Variants in GREB1 observed in about 807,000 individuals in gnomAD.
GREB1 encodes the protein growth regulating estrogen receptor binding 1, also known as protein GREB1.
In GREB1, 106 loss-of-function variants were observed where a neutral mutation model predicts 200.7. That is an observed-to-expected ratio of 0.53 (90% CI 0.45 to 0.62). GREB1 has a LOEUF of 0.62. Among genes scored for constraint, GREB1 ranks in the 20% least tolerant of loss-of-function variants. The probability of loss-of-function intolerance (pLI) is 0.00; values close to 1 mark genes in which losing one functional copy is unlikely to be tolerated. For missense variants in GREB1, 2,243 were observed against 2,556.8 expected (o/e 0.88, Z 2.65); for synonymous variants, 1,132 against 1,092.4 (o/e 1.04, Z -0.72).
In GREB1 at chr2:11,637,966, A is replaced by G. The variant is rs201572312; in HGVS notation, c.5547+50A>G. On this transcript the variant is annotated intron_variant, in intron 31 of 32. Coordinates refer to ENST00000381486, the MANE Select transcript of GREB1 (RefSeq NM_014668.4). ...GAATCCCTAATTCAGAGAAATCTCT[A>G]GAACCAATGGGCTGGAATCTGGGAC... 4.1e-6 allele frequency: 6 copies of G among 1,467,380 alleles called. No homozygotes were observed. In the East Asian group the frequency reaches 1.4e-4, roughly 33 times the overall value. The allele number at this position is 1,467,380 out of a possible 1,614,324, so 90.9% of individuals were successfully genotyped here.
At position 11,640,814 on chromosome 2, in the gene GREB1, G is replaced by A. The variant is rs1423299966; in HGVS notation, c.*360G>A. 4.9e-6 allele frequency: 1 copy of A among 204,674 alleles called. No homozygotes were observed. The highest frequency in any genetic ancestry group is 9.6e-6 in the Non-Finnish European group (1 of 103,936). 12.7% of individuals were successfully genotyped at this position (204,674 alleles called of 1,614,324 possible). On this transcript the variant is annotated 3_prime_UTR_variant, in exon 33 of 33. Transcript: ENST00000381486. The surrounding 1 kb of genome is among the most constrained non-coding windows in gnomAD (Gnocchi z 4.6). Reference sequence around the variant, plus strand: ...GTTCTAAAGAATCTTGGGTTATTTTGTAGCGGTGCCAGTATTTCAGTAGAT... The same window carrying A: ...GTTCTAAAGAATCTTGGGTTATTTTATAGCGGTGCCAGTATTTCAGTAGAT...
intron 17 of GREB1, among the ~76,000 whole-genome samples, chr2:11,605,144 C>CTTTTTTTTTTTTTTTTTT (rs3035991): frequency 2.2e-5 from 1 of 44,828 alleles, no homozygotes; most frequent in Non-Finnish European, 4.9e-5. Context: ...GAGCCTGCTT[C>CTTTTTTTTTTTTTTTTTT]TTTTTTTTTT....
At position 11,618,426 on chromosome 2, in the gene GREB1, G is replaced by A. The variant is rs1261785693; in HGVS notation, c.3551G>A (p.Gly1184Glu). ...GEKQRPRASQ[G>E]PPSAISRHSP... is the part of the protein sequence containing the mutation. ...AAACAGAGGCCCCGGGCAAGTCAGG[G>A]GCCACCCTCGGCCATCAGCAGGCAC... Residue 1184 changes from glycine (G) to glutamate (E), a missense_variant, in exon 22 of 33, where the codon GGG becomes GAG. Gly to Glu is a moderately conservative substitution (Grantham distance 98). Transcript: ENST00000381486. 1 of 1,606,630 alleles carries A rather than the reference G, an allele frequency of 6.2e-7. No individual in the cohort carries two copies. The highest frequency in any genetic ancestry group is 1.3e-5 in the African/African-American group (1 of 74,900).
At chr2:11,590,935 T>C (rs1310195316) in intron 10 of GREB1, among the ~76,000 whole-genome samples, 1 of 152,156 alleles carries the variant, frequency 6.6e-6, no homozygotes, top group Non-Finnish European at 1.5e-5. Context: ...GAGGGAAGAC[T>C]GGACCCTGAC....
Position 11,560,209 on chromosome 2 carries a change from G to A in GREB1, c.158-2254G>A, listed in dbSNP as rs940957715. Among the ~76,000 whole-genome samples the A allele has an allele frequency of 3.9e-5, 6 of 152,072 alleles. No homozygotes were observed. The East Asian group carries it at 5.8e-4, about 15-fold the overall frequency. The stretch of plus-strand genomic sequence containing the variant: ...CAGAGAGGTTAAGTAATTTTCCTGC[G>A]TCCACATAGGCAGTGGCCCAGGCTA... On this transcript the variant is annotated intron_variant, in intron 2 of 32. Coordinates refer to ENST00000381486, the MANE Select transcript of GREB1 (RefSeq NM_014668.4).
In GREB1 at chr2:11,633,089, C is replaced by G. The variant is rs769919896; in HGVS notation, c.4991+26C>G. The G allele has an allele frequency of 6.2e-7, 1 of 1,609,798 alleles. No homozygotes were observed. Among genetic ancestry groups the G allele is most frequent in the Non-Finnish European group, 8.5e-7 (1 of 1,176,548 alleles). Reference sequence around the variant, plus strand: ...GTGAGGTAACCTGAGAGCACCACCTCCTGCCACCCTACGAATGATGACCAA... The same window carrying G: ...GTGAGGTAACCTGAGAGCACCACCTGCTGCCACCCTACGAATGATGACCAA... On this transcript the variant is annotated intron_variant, in intron 28 of 32. Transcript: ENST00000381486. This position sits in a 1 kb window ranked among gnomAD's most constrained non-coding sequence, Gnocchi z 4.1.
At chr2:11,530,361 C>T (rs1674027242), upstream of GREB1, among the ~76,000 whole-genome samples, 1 of 151,564 alleles carries the variant, frequency 6.6e-6, no homozygotes, top group African/African-American at 2.4e-5. Context: ...TGCGCCCGGC[C>T]CTAGGTGATT....
chr2:11,607,247 C>A (rs958512695), intron 17 of GREB1, among the ~76,000 whole-genome samples: 5 of 151,292 alleles, frequency 3.3e-5, no homozygotes, highest in Non-Finnish European at 5.9e-5. Context: ...CCATGCCTGG[C>A]CAATTTTTAA....
chr2:11,600,193 T>C (rs1681658744), intron 15 of GREB1, among the ~76,000 whole-genome samples: 1 of 152,162 alleles, frequency 6.6e-6, no homozygotes, highest in Non-Finnish European at 1.5e-5. Flanking sequence ...ATATTCATTT[T>C]GGGAATAGGT....
intron 20 of GREB1, 70 bp downstream of exon 20, chr2:11,615,360 C>A: frequency 7.5e-7 from 1 of 1,339,024 alleles, no homozygotes; most frequent in Non-Finnish European, 1.0e-6. Context: ...AGCTTTGAGG[C>A]TGCCTGTGCT....
At chr2:11,484,933 C>A (rs1194872617) in intron 1 of GREB1, among the ~76,000 whole-genome samples, 1 of 152,188 alleles carries the variant, frequency 6.6e-6, no homozygotes, top group East Asian at 1.9e-4. Flanking sequence ...GCAAGCTCCG[C>A]CTCCCGGGTT....
intron 1 of GREB1, among the ~76,000 whole-genome samples, chr2:11,495,548 G>C (rs548682264): frequency 6.6e-6 from 1 of 152,154 alleles, no homozygotes; most frequent in Middle Eastern, 3.4e-3. Flanking sequence ...GTCATGCACT[G>C]TTCCAAGCAC....
chr2:11,567,760 G>A lies in GREB1; in HGVS notation c.454+1104G>A, dbSNP rs114548200. ...TGTAATTGAGTTCTTACTGTGTGCC[G>A]GGCCATCACTCAGCAGGCTCCCCCA... On this transcript the variant is annotated intron_variant, in intron 4 of 32. Coordinates refer to ENST00000381486, the MANE Select transcript of GREB1 (RefSeq NM_014668.4). Among the ~76,000 whole-genome samples, 1,072 of 152,308 alleles carry A rather than the reference G, an allele frequency of 7.0e-3. 10 individuals are homozygous for A. Among genetic ancestry groups the A allele is most frequent in the African/African-American group, 0.024 (1,003 of 41,578 alleles).
At chr2:11,616,007 C>T (rs555867514) in intron 20 of GREB1, among the ~76,000 whole-genome samples, 5 of 152,338 alleles carry the variant, frequency 3.3e-5, no homozygotes, top group East Asian at 1.9e-4. Context: ...AAGGCCTGCC[C>T]GCCTGTAGCC....
At chr2:11,573,158 G>T (rs777223214) in intron 4 of GREB1, among the ~76,000 whole-genome samples, 55 of 152,192 alleles carry the variant, frequency 3.6e-4, no homozygotes, top group Non-Finnish European at 6.5e-4. Context: ...CCTTGCAGGG[G>T]CTGGGGGAGT....
Position 11,618,299 on chromosome 2 carries a change from G to A in GREB1, c.3424G>A (p.Gly1142Ser), listed in dbSNP as rs199687834. Residue 1142 changes from glycine to serine, a missense_variant, in exon 22 of 33, where the codon GGT becomes AGT. Transcript: ENST00000381486. ...LSSKASGSAL[G>S]GESSAQPTAL... Reference sequence around the variant, plus strand: ...TCGTCTCTCCTCAGGTTCAGCGCTCGGTGGCGAGTCCTCGGCTCAGCCCAC... The same window carrying A: ...TCGTCTCTCCTCAGGTTCAGCGCTCAGTGGCGAGTCCTCGGCTCAGCCCAC... 4.7e-4 allele frequency: 733 copies of A among 1,560,038 alleles called. 4 individuals are homozygous for A. Among genetic ancestry groups the A allele is most frequent in the Non-Finnish European group, 2.8e-4 (323 of 1,151,552 alleles).
intron 1 of GREB1, among the ~76,000 whole-genome samples, chr2:11,485,655 A>G (rs981072599): frequency 2.0e-5 from 3 of 152,204 alleles, no homozygotes; most frequent in African/African-American, 7.2e-5. Flanking sequence ...CCTTTCTGAA[A>G]GGTTTCTATG....
intron 17 of GREB1, 34 bp from the exon 18 acceptor site, chr2:11,610,654 C>A (rs565684547): frequency 6.6e-7 from 1 of 1,509,556 alleles, no homozygotes; most frequent in South Asian, 1.2e-5. Context: ...TGGGCGCGGC[C>A]GTCACAGACA....
At chr2:11,503,642 T>G (rs1482539016) in intron 1 of GREB1, among the ~76,000 whole-genome samples, 1 of 152,216 alleles carries the variant, frequency 6.6e-6, no homozygotes, top group Non-Finnish European at 1.5e-5. Flanking sequence ...GATGAGTGCT[T>G]CTTTCCTCAC....
Sources: gnomAD v4.1 joint callset for allele counts (sites outside exome capture counted in the v4.1 genomes callset) on GRCh38, gnomAD v4.1.1 for gene constraint, Gnocchi (gnomAD v3.1) non-coding constraint, MANE v1.5 for transcripts, NCBI Gene and HGNC (gene_info 2026-07-23, HGNC 2026-07-21) for gene names.